CHMP7: variants seen among roughly 807,000 people sequenced by gnomAD.
The protein encoded by CHMP7 is charged multivesicular body protein 7, also known as CHMP family, member 7.
Under a neutral mutation model 53.7 loss-of-function variants are expected in CHMP7, and 15 were observed. That is an observed-to-expected ratio of 0.28 (90% CI 0.19 to 0.43). CHMP7 has a LOEUF of 0.43. Among genes scored for constraint, CHMP7 ranks in the 20% least tolerant of loss-of-function variants. The pLI, the probability that CHMP7 is intolerant of heterozygous loss-of-function variation, is 1.00. For missense variants in CHMP7, 527 were observed against 569.4 expected, an observed-to-expected ratio of 0.93 and a Z score of 0.76; for synonymous variants, 261 against 228.0, an observed-to-expected ratio of 1.14 and a Z score of -1.30.
intron 2 of CHMP7, 64 bp downstream of exon 2, chr8:23,247,058 C>T: frequency 1.4e-6 from 2 of 1,425,852 alleles, no homozygotes; most frequent in Non-Finnish European, 1.8e-6. Context: ...AGGGCCGGGC[C>T]CTGGTCCTGT....
intron 3 of CHMP7, among the ~76,000 whole-genome samples, chr8:23,254,101 T>C (rs771376829): frequency 3.0e-4 from 45 of 152,232 alleles, no homozygotes; most frequent in South Asian, 6.2e-4. Flanking sequence ...CCCACCCTTC[T>C]ATGCTCATGT....
Position 23,260,743 on chromosome 8 carries a change from T to A in CHMP7, c.*144T>A, listed in dbSNP as rs1389830404. On this transcript the variant is annotated 3_prime_UTR_variant, in exon 11 of 11. Coordinates refer to ENST00000397677, the MANE Select transcript of CHMP7 (RefSeq NM_152272.5). ...ATTTTATCTGGATGCTACTACTTAC[T>A]ACAGGACAGATAGAATTTCTGGAAG... The A allele has an allele frequency of 2.9e-6, 2 of 682,996 alleles. No individual in the cohort carries two copies. The highest frequency in any genetic ancestry group is 1.8e-5 in the African/African-American group (1 of 55,368). 42.3% of individuals were successfully genotyped at this position (682,996 alleles called of 1,614,324 possible). A position where few individuals can be genotyped will look rare whatever the true frequency, so the allele number is the denominator to read the frequency against.
chr8:23,260,056 T>C (rs1802319249), intron 9 of CHMP7, 88 bp from the exon 10 acceptor site: 12 of 1,069,410 alleles, frequency 1.1e-5, no homozygotes, highest in Non-Finnish European at 1.6e-5. Flanking sequence ...TTTGTAAAGC[T>C]AAGCGGGTTT....
intron 2 of CHMP7, chr8:23,248,335 C>T: frequency 5.3e-6 from 2 of 374,382 alleles, no homozygotes; most frequent in South Asian, 1.9e-5. Context: ...TCCACTGAAG[C>T]TTCCTGGTGC....
At position 23,260,806 on chromosome 8, in the gene CHMP7, C is replaced by T. The variant is rs1802355522; in HGVS notation, c.*207C>T. ...GGCTTGCTCCCAGCTGTATCATGGA[C>T]CTGCCTTCTCATCTTTATAGTGCCA... On this transcript the variant is annotated 3_prime_UTR_variant, in exon 11 of 11. Coordinates refer to ENST00000397677, the MANE Select transcript of CHMP7 (RefSeq NM_152272.5). The T allele has an allele frequency of 1.7e-6, 1 of 604,480 alleles. No homozygotes were observed. The highest frequency in any genetic ancestry group is 2.9e-5 in the Admixed American group (1 of 34,030). The allele number at this position is 604,480 out of a possible 1,614,324, so 37.4% of individuals were successfully genotyped here. A position where few individuals can be genotyped will look rare whatever the true frequency, so the allele number is the denominator to read the frequency against.
Position 23,256,559 on chromosome 8 carries a change from C to A in CHMP7, c.757C>A (p.Arg253Ser), listed in dbSNP as rs776751717. ...QLMQSEQLLS[R>S]KVESLSQEAE... is the part of the protein sequence containing the mutation. ...GATGCAGAGTGAACAGCTTCTCTCA[C>A]GCAAAGTGGAGTCCTTATCCCAGGA... Residue 253 changes from arginine (R) to serine (S), a missense_variant, in exon 5 of 11, where the codon CGC becomes AGC. Transcript: ENST00000397677. 1.2e-6 allele frequency: 2 copies of A among 1,613,826 alleles called. No homozygotes were observed. Among genetic ancestry groups the A allele is most frequent in the African/African-American group, 2.7e-5 (2 of 74,896 alleles).
chr8:23,246,809 C>T lies in CHMP7; in HGVS notation c.114C>T (p.Phe38=). The T allele has an allele frequency of 6.3e-7, 1 of 1,594,602 alleles. No homozygotes were observed. The stretch of plus-strand genomic sequence containing the variant: ...GCATGTCCTTCCTGTTCTCCGCTTT[C>T]AAGAGGAGTCGCGAGGTGAACAGCA... ...EERMSFLFSA[F]KRSREVNSTD... is the part of the protein sequence containing the mutation. The change falls in exon 2 of 11, where the codon TTC becomes TTT. Residue 38 remains phenylalanine, a synonymous_variant. Coordinates refer to ENST00000397677, the MANE Select transcript of CHMP7 (RefSeq NM_152272.5).
At chr8:23,257,618 A>AGACTG (rs1295461366) in intron 5 of CHMP7, among the ~76,000 whole-genome samples, 1 of 152,192 alleles carries the variant, frequency 6.6e-6, no homozygotes, top group African/African-American at 2.4e-5. Flanking sequence ...GGAATCCCTA[A>AGACTG]TAAAGACACA....
chr8:23,247,398 C>T (rs1382632913), intron 2 of CHMP7, among the ~76,000 whole-genome samples: 1 of 152,132 alleles, frequency 6.6e-6, no homozygotes, highest in East Asian at 1.9e-4. Context: ...AGCTAAAAAG[C>T]GGGCATTCGT....
rs1801696918 is a variant in CHMP7 at position 23,246,648 on chromosome 8, GA to G, written c.-47del. On this transcript the variant is annotated 5_prime_UTR_variant, in exon 2 of 11. Coordinates refer to ENST00000397677, the MANE Select transcript of CHMP7 (RefSeq NM_152272.5). ...CCGGGAGGGAACGAGGGCGGAAGCG[GA>G]CCAGGGCCAGGCTTGTGTTCGCAGC... 2.0e-6 allele frequency: 3 copies of G among 1,504,544 alleles called. No homozygotes were observed. Among genetic ancestry groups the G allele is most frequent in the African/African-American group, 2.8e-5 (2 of 72,124 alleles). 93.2% of individuals were successfully genotyped at this position (1,504,544 alleles called of 1,614,324 possible).
intron 2 of CHMP7, 64 bp from the exon 3 acceptor site, chr8:23,249,146 C>G: frequency 7.3e-7 from 1 of 1,368,828 alleles, no homozygotes; most frequent in Non-Finnish European, 9.9e-7. Context: ...AAAGGGGGAG[C>G]TAGAGACTGG....
At chr8:23,259,045 C>G (rs2128860461) in intron 8 of CHMP7, 21 bp from the exon 9 acceptor site, 1 of 1,569,962 alleles carries the variant, frequency 6.4e-7, no homozygotes, top group African/African-American at 1.3e-5. Context: ...CAGCTCAAGG[C>G]TTTGCACTTG....
chr8:23,256,009 C>G (rs1802110848), intron 4 of CHMP7, among the ~76,000 whole-genome samples: 1 of 152,058 alleles, frequency 6.6e-6, no homozygotes, highest in Non-Finnish European at 1.5e-5. Context: ...ATCTGCCTGC[C>G]TCGGCCTCCC....
chr8:23,254,304 A>G (rs1802042478), intron 3 of CHMP7, among the ~76,000 whole-genome samples: 1 of 152,122 alleles, frequency 6.6e-6, no homozygotes, highest in South Asian at 2.1e-4. Context: ...TATGAGCGAA[A>G]TGGTGACATT....
At chr8:23,247,961 T>G (rs1801775133) in intron 2 of CHMP7, 1 of 412,564 alleles carries the variant, frequency 2.4e-6, no homozygotes, top group Non-Finnish European at 5.0e-6. Context: ...GATTAAGAGA[T>G]CTCCCTTCTC....
chr8:23,251,245 G>A (rs1181627943), intron 3 of CHMP7, among the ~76,000 whole-genome samples: 1 of 152,092 alleles, frequency 6.6e-6, no homozygotes, highest in Non-Finnish European at 1.5e-5. Flanking sequence ...GAAACAGCCA[G>A]TAACTTTTTA....
intron 2 of CHMP7, among the ~76,000 whole-genome samples, chr8:23,247,227 C>T (rs1801736223): frequency 6.6e-6 from 1 of 152,144 alleles, no homozygotes; most frequent in Non-Finnish European, 1.5e-5. Flanking sequence ...CGGGGATAGT[C>T]CGATTAGACG....
intron 3 of CHMP7, among the ~76,000 whole-genome samples, chr8:23,251,659 G>A (rs1231587784): frequency 6.6e-6 from 1 of 152,198 alleles, no homozygotes; most frequent in African/African-American, 2.4e-5. Context: ...TGTGCACCCT[G>A]CTTTGTTTTC....
chr8:23,258,619 G>C, intron 7 of CHMP7, 113 bp from the exon 8 acceptor site: 1 of 1,197,486 alleles, frequency 8.4e-7, no homozygotes, highest in Non-Finnish European at 1.2e-6. Flanking sequence ...AGGGTAAATT[G>C]AGCTTGGGTG....
Sources: gnomAD v4.1 joint callset for allele counts (sites outside exome capture counted in the v4.1 genomes callset) on GRCh38, gnomAD v4.1.1 for gene constraint, MANE v1.5 for transcripts, NCBI Gene and HGNC (gene_info 2026-07-23, HGNC 2026-07-21) for gene names.